The following PAPPA2 variants were observed in gnomAD, a reference collection of about 807,000 sequenced individuals.
PAPPA2 encodes pappalysin-2.
A neutral mutation model predicts 176.4 loss-of-function variants in PAPPA2; 86 were observed. The observed-to-expected ratio is 0.49, with a 90% CI of 0.41 to 0.58. The LOEUF is 0.58. PAPPA2 is among the 20% of genes least tolerant of loss of function. The pLI, the probability that PAPPA2 is intolerant of heterozygous loss-of-function variation, is 0.00. For synonymous variants in PAPPA2, 809 were observed against 852.2 expected, an observed-to-expected ratio of 0.95 and a Z score of 0.88; for missense variants, 2,073 against 2,256.9, an observed-to-expected ratio of 0.92 and a Z score of 1.65.
intron 21 of PAPPA2, among the ~76,000 whole-genome samples, chr1:176,838,312 C>A (rs551392744): frequency 2.0e-5 from 3 of 152,196 alleles, no homozygotes; most frequent in South Asian, 4.1e-4. Flanking sequence ...TTTAGATATA[C>A]CTTTAATTTC....
At chr1:176,787,124 G>A (rs1364489844) in intron 17 of PAPPA2, among the ~76,000 whole-genome samples, 1 of 152,112 alleles carries the variant, frequency 6.6e-6, no homozygotes, top group Non-Finnish European at 1.5e-5. Flanking sequence ...ACAAAATAAT[G>A]TACATAGGTA....
At chr1:176,633,927 A>C (rs1487550054) in intron 3 of PAPPA2, among the ~76,000 whole-genome samples, 2 of 152,214 alleles carry the variant, frequency 1.3e-5, no homozygotes, top group African/African-American at 2.4e-5. Context: ...GGCGATCATT[A>C]AAAAGTCAGG....
intron 1 of PAPPA2, among the ~76,000 whole-genome samples, chr1:176,550,967 C>G (rs190801692): frequency 9.6e-4 from 146 of 152,304 alleles, no homozygotes; most frequent in African/African-American, 3.4e-3. Flanking sequence ...GGCAAACCAG[C>G]CAGACAGGTG....
At chr1:176,706,334 T>C (rs1256144684) in intron 9 of PAPPA2, 25 bp from the exon 10 acceptor site, 1 of 1,591,366 alleles carries the variant, frequency 6.3e-7, no homozygotes, top group Non-Finnish European at 8.6e-7. Flanking sequence ...ATGTGTTATA[T>C]ATGCATATAT....
intron 1 of PAPPA2, among the ~76,000 whole-genome samples, chr1:176,544,025 A>G (rs1211415051): frequency 6.6e-6 from 1 of 152,182 alleles, no homozygotes; most frequent in Non-Finnish European, 1.5e-5. Flanking sequence ...AGACTCTATC[A>G]TTTAAGTTTC....
intron 6 of PAPPA2, 92 bp from the exon 7 acceptor site, chr1:176,695,646 C>A: frequency 7.0e-7 from 1 of 1,427,572 alleles, no homozygotes; most frequent in Non-Finnish European, 9.7e-7. Context: ...TCAACCCCTG[C>A]CCTCCCCACA....
chr1:176,747,126 G>A (rs1000477813), intron 14 of PAPPA2, among the ~76,000 whole-genome samples: 4 of 152,130 alleles, frequency 2.6e-5, no homozygotes, highest in Admixed American at 6.5e-5. Flanking sequence ...TTCAGAAATC[G>A]ATTCATGTCT....
chr1:176,524,873 A>C (rs986833938), intron 1 of PAPPA2, among the ~76,000 whole-genome samples: 69 of 152,134 alleles, frequency 4.5e-4, no homozygotes, highest in Admixed American at 5.9e-4. Flanking sequence ...AAAATACAAA[A>C]AAAACAAAAT....
intron 21 of PAPPA2, among the ~76,000 whole-genome samples, chr1:176,830,338 G>A (rs1667037674): frequency 6.6e-6 from 1 of 152,234 alleles, no homozygotes; most frequent in Non-Finnish European, 1.5e-5. Flanking sequence ...TAATTCTGGA[G>A]AGAATTCACT....
At chr1:176,487,642 C>T (rs1442884754) in intron 1 of PAPPA2, among the ~76,000 whole-genome samples, 1 of 152,120 alleles carries the variant, frequency 6.6e-6, no homozygotes, top group Non-Finnish European at 1.5e-5. Flanking sequence ...AATTCATTGT[C>T]TTGACTCTAA....
chr1:176,645,566 T>C (rs2102734411), intron 3 of PAPPA2, among the ~76,000 whole-genome samples: 1 of 151,880 alleles, frequency 6.6e-6, no homozygotes, highest in East Asian at 1.9e-4. Context: ...AGTGTAAATA[T>C]CTCTTCATTA....
chr1:176,796,042 A>T (rs1188478978), intron 20 of PAPPA2, among the ~76,000 whole-genome samples: 1 of 151,784 alleles, frequency 6.6e-6, no homozygotes, highest in Non-Finnish European at 1.5e-5. Flanking sequence ...AAATGACCTC[A>T]CTCTTCCCTC....
intron 3 of PAPPA2, among the ~76,000 whole-genome samples, chr1:176,599,704 G>A (rs1167799031): frequency 6.6e-6 from 1 of 151,372 alleles, no homozygotes; most frequent in Non-Finnish European, 1.5e-5. Flanking sequence ...TGTTATATCC[G>A]ATGCATCTGA....
chr1:176,510,282 G>A (rs1648516269), intron 1 of PAPPA2, among the ~76,000 whole-genome samples: 1 of 152,070 alleles, frequency 6.6e-6, no homozygotes. Context: ...ACAAAGATAA[G>A]AATTATCATC....
intron 12 of PAPPA2, among the ~76,000 whole-genome samples, chr1:176,722,562 A>G (rs2102851359): frequency 6.6e-6 from 1 of 151,950 alleles, no homozygotes; most frequent in East Asian, 1.9e-4. Flanking sequence ...GTCTGCTAAA[A>G]ACTCTTCTTA....
At chr1:176,840,357 A>T in intron 22 of PAPPA2, 86 bp downstream of exon 22, 1 of 1,054,662 alleles carries the variant, frequency 9.5e-7, no homozygotes, top group South Asian at 1.3e-5. Flanking sequence ...CATGGTGTGT[A>T]ATAATGGGTT....
chr1:176,776,254 G>A (rs200649521), intron 17 of PAPPA2, among the ~76,000 whole-genome samples: 5 of 152,008 alleles, frequency 3.3e-5, no homozygotes, highest in Admixed American at 6.6e-5. Context: ...TTAGGTTAAC[G>A]TCATTAGAGC....
At chr1:176,803,212 T>C (rs535251147) in intron 21 of PAPPA2, among the ~76,000 whole-genome samples, 17 of 152,268 alleles carry the variant, frequency 1.1e-4, no homozygotes, top group Admixed American at 9.8e-4. Flanking sequence ...AGCCTCTGTA[T>C]TGGGAACTGG....
intron 10 of PAPPA2, among the ~76,000 whole-genome samples, chr1:176,709,543 T>A (rs1661044407): frequency 6.6e-6 from 1 of 152,188 alleles, no homozygotes; most frequent in Admixed American, 6.6e-5. Flanking sequence ...GATACTTTAA[T>A]ATTTCAAAAA....
Sources: gnomAD v4.1 joint callset for allele counts (sites outside exome capture counted in the v4.1 genomes callset) on GRCh38, gnomAD v4.1.1 for gene constraint, MANE v1.5 for transcripts, NCBI Gene and HGNC (gene_info 2026-07-23, HGNC 2026-07-21) for gene names.